Variants in ASB10 observed in about 807,000 individuals in gnomAD.
ASB10 encodes the protein ankyrin repeat and SOCS box containing 10, also known as ankyrin repeat and SOCS box protein 10.
Under a neutral mutation model 35.4 loss-of-function variants are expected in ASB10, and 44 were observed. The ratio of observed to expected loss-of-function variants is 1.24; its 90% CI spans 0.98 to 1.60. The LOEUF is 1.60. Among genes scored for constraint, ASB10 ranks in the 40% most tolerant of loss-of-function variants. ASB10 has a pLI of 0.00. For missense variants in ASB10, 647 were observed against 634.3 expected (o/e 1.02, Z -0.22); for synonymous variants, 294 against 280.4 (o/e 1.05, Z -0.49).
In ASB10 at chr7:151,187,197, G is replaced by C. The variant is rs1255027477; in HGVS notation, c.-67C>G. The C allele has an allele frequency of 6.5e-7, 1 of 1,543,770 alleles. No homozygotes were observed. Among genetic ancestry groups the C allele is most frequent in the Non-Finnish European group, 8.7e-7 (1 of 1,143,430 alleles). ...CCAAAGGCAGAGAGAGAGAGAGAGA[G>C]CAGGAGGGAAATACAGACAGACAGA... On this transcript the variant is annotated 5_prime_UTR_variant, in exon 1 of 6. Transcript: ENST00000420175. This position sits in a 1 kb window ranked among gnomAD's most constrained non-coding sequence, Gnocchi z 5.3.
rs144099189 is a variant in ASB10 at position 151,181,116 on chromosome 7, G to A, written c.927C>T (p.Val309=). The part of the protein sequence containing the change: ...HLACRRGHAA[V]VELLLSCGVS... ...CACCACAGGACAGGAGCAGCTCCAC[G>A]ACAGCTGCATGGCCACGGCGGCAGG... Residue 309 remains valine, a synonymous_variant, in exon 3 of 6, where the codon GTC becomes GTT. Coordinates refer to ENST00000420175, the MANE Select transcript of ASB10 (RefSeq NM_001142459.2). 9.6e-5 allele frequency: 154 copies of A among 1,611,944 alleles called. No individual in the cohort carries two copies. The highest frequency in any genetic ancestry group is 1.2e-4 in the Non-Finnish European group (143 of 1,179,516).
chr7:151,187,638 G>C (rs1023075063), upstream of ASB10: 4 of 1,536,832 alleles, frequency 2.6e-6, no homozygotes, highest in Admixed American at 7.9e-5. The surrounding 1 kb of genome is among the most constrained non-coding windows in gnomAD (Gnocchi z 5.3). Context: ...CGGGAGTGGG[G>C]CCTCCAGATC....
chr7:151,181,776 C>G (rs569035929), intron 2 of ASB10, among the ~76,000 whole-genome samples: 2 of 152,166 alleles, frequency 1.3e-5, no homozygotes, highest in African/African-American at 4.8e-5. Context: ...CCACGCCCGG[C>G]TAGTTTTTTG....
At chr7:151,182,509 T>G (rs897453837) in intron 2 of ASB10, among the ~76,000 whole-genome samples, 3 of 151,754 alleles carry the variant, frequency 2.0e-5, no homozygotes, top group African/African-American at 4.8e-5. Context: ...ACCTGGGAGG[T>G]GGAGACTGCA....
At chr7:151,185,528 T>C (rs1801573004) in intron 2 of ASB10, among the ~76,000 whole-genome samples, 1 of 152,102 alleles carries the variant, frequency 6.6e-6, no homozygotes, top group Admixed American at 6.5e-5. Flanking sequence ...AACCATAGTA[T>C]GATTAAGCCT....
At chr7:151,185,249 G>A (rs1038599548) in intron 2 of ASB10, among the ~76,000 whole-genome samples, 2 of 150,740 alleles carry the variant, frequency 1.3e-5, no homozygotes, top group African/African-American at 4.9e-5. Flanking sequence ...CTCCCGAGTC[G>A]CTGGGATTAC....
chr7:151,176,186 C>T lies in ASB10; in HGVS notation c.1330G>A (p.Ala444Thr). Residue 444 changes from alanine (A) to threonine (T), a missense_variant, in exon 5 of 6, where the codon GCG becomes ACG. Transcript: ENST00000420175. Reference protein sequence around the residue: ...RSHLEGSLPQALPRLPLPPRL... With the variant: ...RSHLEGSLPQTLPRLPLPPRL... ...GGTGGCAGGGGGAGGCGGGGCAGCG[C>T]TTGGGGCAGGCTGCCCTCCAGGTGG... The T allele has an allele frequency of 3.7e-6, 6 of 1,611,170 alleles. No homozygotes were observed. The highest frequency in any genetic ancestry group is 5.1e-6 in the Non-Finnish European group (6 of 1,179,584).
chr7:151,181,086 G>A lies in ASB10; in HGVS notation c.957C>T (p.Ser319=), dbSNP rs779388886. The change falls in exon 3 of 6, where the codon AGC becomes AGT. Residue 319 remains serine (S), a synonymous_variant. Transcript: ENST00000420175. ...VVELLLSCGV[S]ANTMDYGGHT... ...GTCCCCCATAGTCCATGGTGTTGGCGCTGACACCACAGGACAGGAGCAGCT... is the reference window on the plus strand; with the variant it reads ...GTCCCCCATAGTCCATGGTGTTGGCACTGACACCACAGGACAGGAGCAGCT... 3.1e-5 allele frequency: 50 copies of A among 1,612,354 alleles called. No individual in the cohort carries two copies. Among genetic ancestry groups the A allele is most frequent in the East Asian group, 1.8e-4 (8 of 44,878 alleles).
At chr7:151,180,184 C>T (rs1391462899) in intron 3 of ASB10, among the ~76,000 whole-genome samples, 4 of 152,238 alleles carry the variant, frequency 2.6e-5, no homozygotes, top group Admixed American at 1.3e-4. Flanking sequence ...CCCTCCATGA[C>T]ATTATCTATG....
chr7:151,177,212 C>G (rs1563565562), intron 3 of ASB10, among the ~76,000 whole-genome samples: 1 of 152,266 alleles, frequency 6.6e-6, no homozygotes, highest in Non-Finnish European at 1.5e-5. Flanking sequence ...CAGCAGCTAA[C>G]CTTTCTATTG....
chr7:151,186,945 C>T lies in ASB10; in HGVS notation c.186G>A (p.Val62=). The stretch of plus-strand genomic sequence containing the variant: ...AGACACAGCCCACGTCCCCAGCCAG[C>T]ACTGCCTGCCAGAAGGCAAGGGCAG... ...SGPALAFWQA[V]LAGDVGCVSR... Residue 62 remains valine (V), a synonymous_variant, in exon 1 of 6, where the codon GTG becomes GTA. Transcript: ENST00000420175. 6.2e-7 allele frequency: 1 copy of T among 1,613,726 alleles called. No homozygotes were observed. Among genetic ancestry groups the T allele is most frequent in the Non-Finnish European group, 8.5e-7 (1 of 1,180,002 alleles).
chr7:151,185,016 C>T (rs752624244), intron 2 of ASB10, among the ~76,000 whole-genome samples: 1 of 151,440 alleles, frequency 6.6e-6, no homozygotes, highest in Admixed American at 6.6e-5. Flanking sequence ...AGCAAGACTC[C>T]GTCTCAAAAA....
In ASB10 at chr7:151,186,460, G is replaced by C. The variant is rs104886471; in HGVS notation, c.516C>G (p.Ala172=). The change falls in exon 2 of 6, where the codon GCC becomes GCG. Residue 172 remains alanine (A), a synonymous_variant. Coordinates refer to ENST00000420175, the MANE Select transcript of ASB10 (RefSeq NM_001142459.2). ...ACVHVLLVAG[A]DPNIADQDGK... is the part of the protein sequence containing the mutation. Reference sequence around the variant, plus strand: ...CATCCTGGTCAGCGATGTTGGGGTCGGCTCCTGCCACCAGCAGCACATGAA... The same window carrying C: ...CATCCTGGTCAGCGATGTTGGGGTCCGCTCCTGCCACCAGCAGCACATGAA... 6 of 1,594,058 alleles carry C rather than the reference G, an allele frequency of 3.8e-6. No individual in the cohort carries two copies. The highest frequency in any genetic ancestry group is 5.1e-6 in the Non-Finnish European group (6 of 1,170,714).
At chr7:151,180,241 A>G (rs1801460449) in intron 3 of ASB10, among the ~76,000 whole-genome samples, 1 of 152,248 alleles carries the variant, frequency 6.6e-6, no homozygotes, top group African/African-American at 2.4e-5. Context: ...CTCACAGGGC[A>G]TCAGTAGCAC....
intron 2 of ASB10, among the ~76,000 whole-genome samples, chr7:151,184,745 G>T (rs574000050): frequency 2.6e-5 from 4 of 152,110 alleles, no homozygotes; most frequent in Non-Finnish European, 5.9e-5. Context: ...ACAAAAGGCC[G>T]GGCACGGTGG....
intron 3 of ASB10, among the ~76,000 whole-genome samples, chr7:151,178,806 G>A (rs1018721510): frequency 5.3e-5 from 8 of 152,106 alleles, no homozygotes; most frequent in Admixed American, 2.0e-4. Flanking sequence ...GTCTGTCCCG[G>A]GAGGCCTCTT....
At position 151,176,304 on chromosome 7, in the gene ASB10, G is replaced by A. The variant is rs763764538; in HGVS notation, c.1219-7C>T. On this transcript the variant is annotated splice_region_variant and splice_polypyrimidine_tract_variant and intron_variant, in intron 4 of 5. Coordinates refer to ENST00000420175, the MANE Select transcript of ASB10 (RefSeq NM_001142459.2). ...AGTAGAAACGCTGATGTTTCTGGGGGCAGAACAAGGGGCTCAGTGAGAGGC... is the reference window on the plus strand; with the variant it reads ...AGTAGAAACGCTGATGTTTCTGGGGACAGAACAAGGGGCTCAGTGAGAGGC... 1.9e-6 allele frequency: 3 copies of A among 1,539,302 alleles called. No individual in the cohort carries two copies. Among genetic ancestry groups the A allele is most frequent in the South Asian group, 2.5e-5 (2 of 78,688 alleles).
Position 151,187,002 on chromosome 7 carries a change from C to T in ASB10, c.129G>A (p.Pro43=), listed in dbSNP as rs144038078. The part of the protein sequence containing the change: ...RGSEEHLKSG[P]GPIVTRTASG... ...AGGCTGTGCGGGTGACGATGGGTCCCGGGCCAGACTTGAGGTGCTCCTCAG... is the reference window on the plus strand; with the variant it reads ...AGGCTGTGCGGGTGACGATGGGTCCTGGGCCAGACTTGAGGTGCTCCTCAG... The change falls in exon 1 of 6, where the codon CCG becomes CCA. Residue 43 remains proline, a synonymous_variant. Coordinates refer to ENST00000420175, the MANE Select transcript of ASB10 (RefSeq NM_001142459.2). This position sits in a 1 kb window ranked among gnomAD's most constrained non-coding sequence, Gnocchi z 5.3. 4.8e-4 allele frequency: 776 copies of T among 1,611,020 alleles called. 7 individuals are homozygous for T. In the South Asian group the frequency reaches 5.1e-3, roughly 11 times the overall value.
intron 2 of ASB10, among the ~76,000 whole-genome samples, chr7:151,184,745 G>A (rs574000050): frequency 1.7e-4 from 26 of 152,228 alleles, no homozygotes; most frequent in South Asian, 6.2e-4. Context: ...ACAAAAGGCC[G>A]GGCACGGTGG....
Sources: allele counts gnomAD v4.1 joint callset (sites outside exome capture counted in the v4.1 genomes callset), GRCh38; gene constraint gnomAD v4.1.1; non-coding constraint Gnocchi (gnomAD v3.1); transcripts MANE v1.5; gene names NCBI Gene and HGNC (gene_info 2026-07-23, HGNC 2026-07-21).